ARHGAP35: variants seen among roughly 807,000 people sequenced by gnomAD.
The protein encoded by ARHGAP35 is Rho GTPase activating protein 35.
Under a neutral mutation model 111.1 loss-of-function variants are expected in ARHGAP35, and 15 were observed. The ratio of observed to expected loss-of-function variants is 0.13; its 90% CI spans 0.09 to 0.21. The LOEUF (loss-of-function observed/expected upper bound fraction) is 0.21. Among genes scored for constraint, ARHGAP35 ranks in the 10% least tolerant of loss-of-function variants. The pLI, the probability that ARHGAP35 is intolerant of heterozygous loss-of-function variation, is 1.00. For synonymous variants in ARHGAP35, 643 were observed against 710.3 expected, an observed-to-expected ratio of 0.91 and a Z score of 1.51; for missense variants, 1,262 against 1,873.0, an observed-to-expected ratio of 0.67 and a Z score of 6.02.
intron 1 of ARHGAP35, among the ~76,000 whole-genome samples, chr19:46,894,753 T>C (rs542406463): frequency 6.6e-6 from 1 of 152,150 alleles, no homozygotes; most frequent in South Asian, 2.1e-4. Context: ...GCCATACTTT[T>C]AGTGAAAGGA....
At chr19:46,910,213 A>G (rs979393644) in intron 1 of ARHGAP35, among the ~76,000 whole-genome samples, 1 of 152,130 alleles carries the variant, frequency 6.6e-6, no homozygotes, top group Non-Finnish European at 1.5e-5. Flanking sequence ...TCTGGGCTCA[A>G]GCGATCCTCC....
chr19:47,001,246 C>T lies in ARHGAP35; in HGVS notation c.*558C>T. ...ACTAGGTACCTGCTGAGGGCGCTGG[C>T]TCTGCAGATCAGAACAACGGAGGAT... is the stretch of plus-strand genomic sequence containing the variant. On this transcript the variant is annotated 3_prime_UTR_variant, in exon 7 of 7. Transcript: ENST00000672722. This position sits in a 1 kb window ranked among gnomAD's most constrained non-coding sequence, Gnocchi z 5.4. The T allele has an allele frequency of 3.9e-6, 5 of 1,286,020 alleles. No homozygotes were observed. The highest frequency in any genetic ancestry group is 1.2e-5 in the South Asian group (1 of 80,256). 79.7% of individuals were successfully genotyped at this position (1,286,020 alleles called of 1,614,324 possible). A position where few individuals can be genotyped will look rare whatever the true frequency, so the allele number is the denominator to read the frequency against.
intron 3 of ARHGAP35, chr19:46,946,689 C>T (rs1397097728): frequency 6.5e-6 from 1 of 152,688 alleles, no homozygotes; most frequent in Non-Finnish European, 1.5e-5. Context: ...AAGTATGCCA[C>T]CATGCCTGGC....
chr19:46,889,881 T>C (rs1209608787), intron 1 of ARHGAP35, among the ~76,000 whole-genome samples: 9 of 152,106 alleles, frequency 5.9e-5, no homozygotes, highest in South Asian at 2.1e-4. Flanking sequence ...GTGTTTTGGG[T>C]TGCCTCTAGT....
intron 1 of ARHGAP35, among the ~76,000 whole-genome samples, chr19:46,884,184 A>G (rs1599798201): frequency 6.6e-6 from 1 of 152,290 alleles, no homozygotes; most frequent in Admixed American, 6.5e-5. Context: ...GGTGGCTCAC[A>G]TCTGTAATCC....
rs55887324 is a variant in ARHGAP35, at chr19:46,981,825, G to GTGTTTTGTTTTGTTT, written c.3827-6131_3827-6117dup. Among the ~76,000 whole-genome samples, 95 of 147,408 alleles carry GTGTTTTGTTTTGTTT rather than the reference G, an allele frequency of 6.4e-4. 2 individuals are homozygous for GTGTTTTGTTTTGTTT. Among genetic ancestry groups the GTGTTTTGTTTTGTTT allele is most frequent in the Middle Eastern group, 3.4e-3 (1 of 290 alleles). ...TCCTATGTCACCAAAGTATTTTTTGGTGTTTTGTTTTGTTTTGTTTTGTTT... is the reference window on the plus strand; with the variant it reads ...TCCTATGTCACCAAAGTATTTTTTGGTGTTTTGTTTTGTTTTGTTTTGTTTTGTTTTGTTTTGTTT... On this transcript the variant is annotated intron_variant, in intron 3 of 6. Transcript: ENST00000672722.
At chr19:46,929,521 C>G (rs2056259002) in intron 2 of ARHGAP35, among the ~76,000 whole-genome samples, 1 of 151,304 alleles carries the variant, frequency 6.6e-6, no homozygotes, top group African/African-American at 2.4e-5. Flanking sequence ...ATTGATTTCA[C>G]TCTCATCCTC....
intron 5 of ARHGAP35, among the ~76,000 whole-genome samples, chr19:46,998,916 G>A (rs1001077228): frequency 3.3e-5 from 5 of 152,376 alleles, no homozygotes; most frequent in Non-Finnish European, 4.4e-5. Flanking sequence ...GGGTGGCAGC[G>A]GCCGCCCGTC....
intron 2 of ARHGAP35, among the ~76,000 whole-genome samples, chr19:46,931,508 G>A (rs1333342609): frequency 1.3e-5 from 2 of 152,118 alleles, no homozygotes; most frequent in African/African-American, 2.4e-5. Context: ...CTGAAAAGCC[G>A]AGAGACCAGA....
intron 3 of ARHGAP35, among the ~76,000 whole-genome samples, chr19:46,960,195 C>T (rs1324082675): frequency 6.6e-6 from 1 of 151,950 alleles, no homozygotes; most frequent in East Asian, 1.9e-4. Flanking sequence ...CGCCTTCTCT[C>T]CATTAGCCCT....
intron 1 of ARHGAP35, among the ~76,000 whole-genome samples, chr19:46,882,480 TATTTA>T (rs1253905202): frequency 6.6e-6 from 1 of 152,154 alleles, no homozygotes; most frequent in African/African-American, 2.4e-5. Flanking sequence ...CACTTTATTT[TATTTA>T]TTTATTTTTA....
At position 46,922,215 on chromosome 19, in the gene ARHGAP35, T is replaced by C. The variant is rs1437245943; in HGVS notation, c.3540T>C (p.Asp1180=). 6.2e-7 allele frequency: 1 copy of C among 1,613,816 alleles called. No individual in the cohort carries two copies. The highest frequency in any genetic ancestry group is 8.5e-7 in the Non-Finnish European group (1 of 1,179,878). The change falls in exon 2 of 7, where the codon GAT becomes GAC. Residue 1180 remains aspartate (D), a synonymous_variant. Coordinates refer to ENST00000672722, the MANE Select transcript of ARHGAP35 (RefSeq NM_004491.5). This position sits in a 1 kb window ranked among gnomAD's most constrained non-coding sequence, Gnocchi z 4.0. Reference sequence around the variant, plus strand: ...GGACCAGCTTCAGCGTGGGGAGTGATGATGAGCTGGGGCCCATCCGGAAGA... The same window carrying C: ...GGACCAGCTTCAGCGTGGGGAGTGACGATGAGCTGGGGCCCATCCGGAAGA... The part of the protein sequence containing the change: ...SYRTSFSVGS[D]DELGPIRKKE...
chr19:46,932,880 G>A (rs996125978), intron 2 of ARHGAP35, among the ~76,000 whole-genome samples: 17 of 152,140 alleles, frequency 1.1e-4, no homozygotes, highest in Admixed American at 3.3e-4. Context: ...GGCTCTTTGA[G>A]GTGAAAGAGA....
intron 1 of ARHGAP35, among the ~76,000 whole-genome samples, chr19:46,892,258 C>T (rs1320240950): frequency 1.4e-5 from 2 of 147,582 alleles, no homozygotes; most frequent in African/African-American, 2.5e-5. Flanking sequence ...GAGCCGAGAT[C>T]GCACCACTGC....
At chr19:46,977,650 A>G (rs538389793) in intron 3 of ARHGAP35, among the ~76,000 whole-genome samples, 1 of 152,320 alleles carries the variant, frequency 6.6e-6, no homozygotes, top group African/African-American at 2.4e-5. Context: ...GCAGCTAATC[A>G]CACAGCTATC....
In ARHGAP35 at chr19:46,900,029, A is replaced by C. The variant is rs1046243287; in HGVS notation, c.-188-18459A>C. 8.5e-5 allele frequency among the ~76,000 whole-genome samples: 13 copies of C among 152,242 alleles called. No individual in the cohort carries two copies. In the East Asian group the frequency reaches 2.5e-3, roughly 29 times the overall value. On this transcript the variant is annotated intron_variant, in intron 1 of 6. Coordinates refer to ENST00000672722, the MANE Select transcript of ARHGAP35 (RefSeq NM_004491.5). ...ATTCTGATTTTCTGTTGATTTTTCT[A>C]TATAAATTGAATTTGTTGATTACCT... is the stretch of plus-strand genomic sequence containing the variant.
chr19:46,978,778 ATGTGTCTGG>A (rs2056599209), intron 3 of ARHGAP35, among the ~76,000 whole-genome samples: 1 of 55,508 alleles, frequency 1.8e-5, no homozygotes, highest in Admixed American at 2.7e-4. Context: ...GTGTGGTGGA[ATGTGTCTGG>A]TGTGTGTGGT....
chr19:46,999,542 C>A lies in ARHGAP35; in HGVS notation c.4142+133C>A. ...CTGGCCTGGAAGGGGTGCTGGCTGG[C>A]CTCCCATGGTGCCCGCTGGTCTCGG... On this transcript the variant is annotated intron_variant, in intron 6 of 6. Transcript: ENST00000672722. The surrounding 1 kb of genome is among the most constrained non-coding windows in gnomAD (Gnocchi z 5.4). 1.6e-6 allele frequency: 1 copy of A among 639,460 alleles called. No homozygotes were observed. Among genetic ancestry groups the A allele is most frequent in the East Asian group, 2.8e-5 (1 of 36,014 alleles). 39.6% of individuals were successfully genotyped at this position (639,460 alleles called of 1,614,324 possible).
chr19:46,906,915 C>T (rs2056111354), intron 1 of ARHGAP35, among the ~76,000 whole-genome samples: 2 of 152,012 alleles, frequency 1.3e-5, no homozygotes, highest in South Asian at 4.1e-4. Context: ...ATGGTAAAAC[C>T]CCATCTCTAC....
Sources: gnomAD v4.1 joint callset for allele counts (sites outside exome capture counted in the v4.1 genomes callset) on GRCh38, gnomAD v4.1.1 for gene constraint, Gnocchi (gnomAD v3.1) non-coding constraint, MANE v1.5 for transcripts, NCBI Gene and HGNC (gene_info 2026-07-23, HGNC 2026-07-21) for gene names.